Variants in DIP2C observed in about 807,000 individuals in gnomAD.
DIP2C encodes DIP2 acetate--CoA ligase C (putative), also known as disco-interacting protein 2 homolog C.
Under a neutral mutation model 192.4 loss-of-function variants are expected in DIP2C, and 33 were observed. That is an observed-to-expected ratio of 0.17 (90% CI 0.13 to 0.23). The LOEUF (loss-of-function observed/expected upper bound fraction) is 0.23. Among genes scored for constraint, DIP2C ranks in the 10% least tolerant of loss-of-function variants. DIP2C has a pLI of 1.00. For synonymous variants in DIP2C, 979 were observed against 864.1 expected (o/e 1.13, Z -2.33); for missense variants, 1,537 against 2,110.1 (o/e 0.73, Z 5.32).
At chr10:413,764 G>A (rs1422541432) in intron 8 of DIP2C, 149 bp downstream of exon 8, 4 of 938,158 alleles carry the variant, frequency 4.3e-6, no homozygotes, top group African/African-American at 1.7e-5. Flanking sequence ...GTGCGTTCGG[G>A]AGTGGCTGCG....
At chr10:602,415 AACC>A (rs1302322856) in intron 1 of DIP2C, among the ~76,000 whole-genome samples, 1 of 152,148 alleles carries the variant, frequency 6.6e-6, no homozygotes, top group Admixed American at 6.5e-5. Flanking sequence ...CTGTCCCCAA[AACC>A]TCACGCACAC....
chr10:447,823 C>T (rs374130630), intron 3 of DIP2C, among the ~76,000 whole-genome samples: 20 of 105,988 alleles, frequency 1.9e-4, no homozygotes, highest in African/African-American at 4.8e-4. Context: ...TCACTCCCGT[C>T]GATACTCAGG....
At chr10:523,574 C>T (rs546397990) in intron 1 of DIP2C, among the ~76,000 whole-genome samples, 6 of 148,836 alleles carry the variant, frequency 4.0e-5, no homozygotes, top group Admixed American at 1.4e-4. Flanking sequence ...ATGACCCACA[C>T]GCTCGTTTCC....
At chr10:379,914 G>A (rs926202798) in intron 17 of DIP2C, among the ~76,000 whole-genome samples, 16 of 151,918 alleles carry the variant, frequency 1.1e-4, no homozygotes, top group Non-Finnish European at 2.1e-4. Flanking sequence ...CCTGGATGAT[G>A]GTTAACAGGC....
At chr10:517,157 C>A (rs1194284005) in intron 1 of DIP2C, among the ~76,000 whole-genome samples, 1 of 152,046 alleles carries the variant, frequency 6.6e-6, no homozygotes, top group East Asian at 1.9e-4. Context: ...CCGCTCCCAT[C>A]ATACACATCC....
chr10:578,044 T>C (rs2131564573), intron 1 of DIP2C, among the ~76,000 whole-genome samples: 1 of 152,292 alleles, frequency 6.6e-6, no homozygotes, highest in Non-Finnish European at 1.5e-5. Context: ...ATAACTACAA[T>C]CTTAGATTTG....
chr10:417,896 G>C (rs1316489318), intron 6 of DIP2C, among the ~76,000 whole-genome samples: 2 of 107,902 alleles, frequency 1.9e-5, no homozygotes, highest in Non-Finnish European at 3.8e-5. Flanking sequence ...ACCTGTCAGG[G>C]CTCGGATAGG....
At position 324,848 on chromosome 10, in the gene DIP2C, G is replaced by A. The variant is rs188573686; in HGVS notation, c.3924+2158C>T. 1,223 of 485,424 alleles carry A rather than the reference G, an allele frequency of 2.5e-3. 2 individuals are homozygous for A. The highest frequency in any genetic ancestry group is 4.2e-3 in the Non-Finnish European group (980 of 233,712). 30.1% of individuals were successfully genotyped at this position (485,424 alleles called of 1,614,324 possible). A position where few individuals can be genotyped will look rare whatever the true frequency, so the allele number is the denominator to read the frequency against. On this transcript the variant is annotated intron_variant, in intron 31 of 36. Transcript: ENST00000280886. ...GAAGCCTTGTGGAAAACACCAGCACGCCAACTCTGTTCTTCATTCTGTCCC... is the reference window on the plus strand; with the variant it reads ...GAAGCCTTGTGGAAAACACCAGCACACCAACTCTGTTCTTCATTCTGTCCC...
intron 3 of DIP2C, among the ~76,000 whole-genome samples, chr10:467,550 A>C (rs1970316538): frequency 1.6e-5 from 2 of 125,960 alleles, no homozygotes; most frequent in African/African-American, 5.4e-5. Flanking sequence ...AAATAAAATA[A>C]AAATTATTTA....
chr10:304,221 C>G (rs191467952), intron 32 of DIP2C, among the ~76,000 whole-genome samples: 1 of 152,306 alleles, frequency 6.6e-6, no homozygotes, highest in Non-Finnish European at 1.5e-5. Context: ...GAGGTTTATA[C>G]TAGCATTGCC....
chr10:674,789 T>TATATATAGAGAGAGAG, intron 1 of DIP2C, among the ~76,000 whole-genome samples: 54 of 62,478 alleles, frequency 8.6e-4, no homozygotes, highest in African/African-American at 1.3e-3. Context: ...TATATATATA[T>TATATATAGAGAGAGAG]AGAGAGAGAG....
At chr10:630,707 C>T (rs1455999056) in intron 1 of DIP2C, 1 of 152,292 alleles carries the variant, frequency 6.6e-6, no homozygotes, top group Non-Finnish European at 1.5e-5. Flanking sequence ...GGAAACAGAC[C>T]AGGTGGCAGG....
intron 1 of DIP2C, among the ~76,000 whole-genome samples, chr10:536,135 G>A (rs1212106372): frequency 6.6e-6 from 1 of 152,206 alleles, no homozygotes; most frequent in Non-Finnish European, 1.5e-5. Context: ...TCCCACCGCA[G>A]GCTCCAAGTG....
At chr10:307,995 T>TGGGCG (rs1421645755) in intron 32 of DIP2C, among the ~76,000 whole-genome samples, 37 of 128,042 alleles carry the variant, frequency 2.9e-4, no homozygotes, top group African/African-American at 1.2e-3. Context: ...TGGGGGTGCC[T>TGGGCG]GGGCGGGGCC....
In DIP2C at chr10:274,889, A is replaced by G. The variant is rs150481737; in HGVS notation, c.*2436T>C. On this transcript the variant is annotated 3_prime_UTR_variant, in exon 37 of 37. Transcript: ENST00000280886. ...TTACAATCTCATGAATGATTTATCTACAGTACAATTTTGAATACAGAATGA... is the reference window on the plus strand; with the variant it reads ...TTACAATCTCATGAATGATTTATCTGCAGTACAATTTTGAATACAGAATGA... 1 of 152,380 alleles carries G rather than the reference A, an allele frequency of 6.6e-6. No individual in the cohort carries two copies. The highest frequency in any genetic ancestry group is 2.4e-5 in the African/African-American group (1 of 41,598). 9.4% of individuals were successfully genotyped at this position (152,380 alleles called of 1,614,324 possible). A position where few individuals can be genotyped will look rare whatever the true frequency, so the allele number is the denominator to read the frequency against.
intron 1 of DIP2C, among the ~76,000 whole-genome samples, chr10:523,144 C>CCGGATG: frequency 6.6e-6 from 1 of 150,792 alleles, no homozygotes; most frequent in East Asian, 2.0e-4. Flanking sequence ...CTCGTTTCTA[C>CCGGATG]CTTACACAAA....
chr10:283,227 T>C, intron 35 of DIP2C, 45 bp downstream of exon 35: 2 of 1,547,212 alleles, frequency 1.3e-6, no homozygotes, highest in Non-Finnish European at 1.7e-6. Flanking sequence ...GAGCCTAACC[T>C]CTCTGCCCAT....
chr10:374,863 T>C (rs1961384463), intron 17 of DIP2C, among the ~76,000 whole-genome samples: 1 of 152,156 alleles, frequency 6.6e-6, no homozygotes, highest in African/African-American at 2.4e-5. Flanking sequence ...TATCAGTACA[T>C]TAAAAAATGG....
At chr10:450,533 T>G (rs1480539661) in intron 3 of DIP2C, among the ~76,000 whole-genome samples, 1 of 152,116 alleles carries the variant, frequency 6.6e-6, no homozygotes, top group Non-Finnish European at 1.5e-5. Context: ...TAAAAAAGAC[T>G]GTATAAAAAT....
Sources: gnomAD v4.1 joint callset for allele counts (sites outside exome capture counted in the v4.1 genomes callset) on GRCh38, gnomAD v4.1.1 for gene constraint, MANE v1.5 for transcripts, NCBI Gene and HGNC (gene_info 2026-07-23, HGNC 2026-07-21) for gene names.